The following SMIM18 variants were observed in gnomAD, a reference collection of about 807,000 sequenced individuals.
SMIM18 encodes small integral membrane protein 18.
Under a neutral mutation model 5.9 loss-of-function variants are expected in SMIM18, and 4 were observed. The ratio of observed to expected loss-of-function variants is 0.68; its 90% CI spans 0.33 to 1.56. The LOEUF (loss-of-function observed/expected upper bound fraction) is 1.56. Ranked by LOEUF, SMIM18 falls within the 40% of genes most tolerant of loss-of-function variation. The probability of loss-of-function intolerance (pLI) is 0.06; values close to 1 mark genes in which losing one functional copy is unlikely to be tolerated. For synonymous variants in SMIM18, 37 were observed against 37.4 expected (o/e 0.99, Z 0.04); for missense variants, 89 against 109.7 (o/e 0.81, Z 0.84).
In SMIM18 at chr8:30,645,957, T is replaced by TA. The variant is rs1802059781; in HGVS notation, c.*361dup. 5.8e-6 allele frequency: 1 copy of TA among 172,344 alleles called. No individual in the cohort carries two copies. The highest frequency in any genetic ancestry group is 1.2e-5 in the Non-Finnish European group (1 of 81,136). 10.7% of individuals were successfully genotyped at this position (172,344 alleles called of 1,614,324 possible). ...CTAACCAATTCATGTAGACAAAAAA[T>TA]AGTGTGTTGGTAACAAAAAGGCTAT... On this transcript the variant is annotated 3_prime_UTR_variant, in exon 3 of 3. Coordinates refer to ENST00000517349, the MANE Select transcript of SMIM18 (RefSeq NM_001206847.2).
rs33951211 is a variant in SMIM18, at chr8:30,642,296, C to CA, written c.-110-2182dup. Among the ~76,000 whole-genome samples, 564 of 129,854 alleles carry CA rather than the reference C, an allele frequency of 4.3e-3. 17 individuals carry two copies. Among genetic ancestry groups the CA allele is most frequent in the East Asian group, 0.043 (185 of 4,290 alleles). The allele number at this position is 129,854 out of a possible 152,430, so 85.2% of individuals were successfully genotyped here. On this transcript the variant is annotated intron_variant, in intron 1 of 2. Transcript: ENST00000517349. Reference sequence around the variant, plus strand: ...TCTTTTTGAATTAAAGGAGAAAAGCCAAAAAAAAAAAAAAGGAAAGGAATA... The same window carrying CA: ...TCTTTTTGAATTAAAGGAGAAAAGCCAAAAAAAAAAAAAAAGGAAAGGAATA...
intron 1 of SMIM18, among the ~76,000 whole-genome samples, chr8:30,640,508 A>C (rs1375686384): frequency 6.6e-6 from 1 of 152,222 alleles, no homozygotes; most frequent in Non-Finnish European, 1.5e-5. Flanking sequence ...TATGTGATTT[A>C]CTTTAAAGCT....
chr8:30,644,418 A>C (rs1801984031), intron 1 of SMIM18, 74 bp from the exon 2 acceptor site: 1 of 152,186 alleles, frequency 6.6e-6, no homozygotes, highest in Non-Finnish European at 1.5e-5. Flanking sequence ...AGATCACTCT[A>C]ACCTAAAATT....
chr8:30,639,204 T>C (rs993497861), intron 1 of SMIM18, among the ~76,000 whole-genome samples: 1 of 152,244 alleles, frequency 6.6e-6, no homozygotes, highest in African/African-American at 2.4e-5. Flanking sequence ...ACAATTTTAA[T>C]TTTTATATAA....
At position 30,645,551 on chromosome 8, in the gene SMIM18, G is replaced by T; in HGVS notation, c.242G>T (p.Arg81Ile). ...KDLKSEPNPL[R>I]SMMDNIRKRE... is the part of the protein sequence containing the mutation. ...TTGAAAAGTGAACCCAACCCTCTTA[G>T]AAGTATGATGGACAACATCAGAAAA... The change falls in exon 3 of 3, where the codon AGA (arginine) becomes ATA (isoleucine). Residue 81 changes from arginine to isoleucine, a missense_variant. By Grantham distance (97) the Arg-to-Ile change is moderately conservative. Coordinates refer to ENST00000517349, the MANE Select transcript of SMIM18 (RefSeq NM_001206847.2). 6.5e-7 allele frequency: 1 copy of T among 1,535,638 alleles called. No individual in the cohort carries two copies. Among genetic ancestry groups the T allele is most frequent in the Non-Finnish European group, 8.7e-7 (1 of 1,146,882 alleles).
intron 1 of SMIM18, among the ~76,000 whole-genome samples, chr8:30,639,367 C>T (rs1297387945): frequency 7.1e-4 from 108 of 152,056 alleles, no homozygotes; most frequent in Non-Finnish European, 1.3e-4. Context: ...AAACAAAAAC[C>T]TTCTTAAATA....
chr8:30,639,870 T>C (rs899433088), intron 1 of SMIM18, among the ~76,000 whole-genome samples: 4 of 152,020 alleles, frequency 2.6e-5, no homozygotes, highest in African/African-American at 7.2e-5. Flanking sequence ...AATAAGATAC[T>C]AGATCTGTCC....
chr8:30,639,821 C>CT (rs1801751130), intron 1 of SMIM18, among the ~76,000 whole-genome samples: 1 of 151,484 alleles, frequency 6.6e-6, no homozygotes, highest in Admixed American at 6.6e-5. Flanking sequence ...TTCAGCTAGC[C>CT]TGAGCAAAGT....
chr8:30,642,645 T>TAC (rs35045641), intron 1 of SMIM18, among the ~76,000 whole-genome samples: 60,104 of 151,944 alleles, frequency 0.4, 12,227 homozygotes, highest in South Asian at 0.55. Context: ...TCTCTGCAGA[T>TAC]ACAAGCAAAT....
intron 2 of SMIM18, among the ~76,000 whole-genome samples, 172 bp downstream of exon 2, chr8:30,644,744 A>G (rs1463029868): frequency 8.7e-6 from 1 of 114,858 alleles, no homozygotes; most frequent in Non-Finnish European, 1.8e-5. Flanking sequence ...TAATTTCGGT[A>G]TATGAATTTT....
chr8:30,641,438 C>T lies in SMIM18; in HGVS notation c.-111+2799C>T, dbSNP rs372172544. Among the ~76,000 whole-genome samples the T allele has an allele frequency of 1.8e-4, 27 of 152,310 alleles. No individual in the cohort carries two copies. The South Asian group carries it at 5.6e-3, about 32-fold the overall frequency. Reference sequence around the variant, plus strand: ...AGTGCAATGGAGAAATCACAGCTCACTGCAACCTCAACCTCCTAGGCTCAA... The same window carrying T: ...AGTGCAATGGAGAAATCACAGCTCATTGCAACCTCAACCTCCTAGGCTCAA... On this transcript the variant is annotated intron_variant, in intron 1 of 2. Coordinates refer to ENST00000517349, the MANE Select transcript of SMIM18 (RefSeq NM_001206847.2).
Position 30,645,339 on chromosome 8 carries a change from T to C in SMIM18, c.30T>C (p.Thr10=), listed in dbSNP as rs1802028173. 1.3e-6 allele frequency: 2 copies of C among 1,535,694 alleles called. No homozygotes were observed. The highest frequency in any genetic ancestry group is 2.7e-5 in the African/African-American group (2 of 73,170). Residue 10 remains threonine (T), a synonymous_variant, in exon 3 of 3, where the codon ACT becomes ACC. Transcript: ENST00000517349. MASSHWNET[T]TSVYQYLGFQ... is the part of the protein sequence containing the mutation. ...CTTCCAGCCACTGGAATGAAACCAC[T>C]ACCTCTGTTTATCAGTACCTTGGTT...
At chr8:30,642,997 T>C (rs1320305995) in intron 1 of SMIM18, among the ~76,000 whole-genome samples, 1 of 152,210 alleles carries the variant, frequency 6.6e-6, no homozygotes. Flanking sequence ...TTGCCCACGC[T>C]GGAGTGCAAT....
intron 1 of SMIM18, among the ~76,000 whole-genome samples, chr8:30,640,485 GCT>G: frequency 6.6e-6 from 1 of 151,884 alleles, no homozygotes; most frequent in Non-Finnish European, 1.5e-5. Flanking sequence ...AAACACATAT[GCT>G]AAAAAAAAAT....
chr8:30,642,246 A>G (rs537541672), intron 1 of SMIM18, among the ~76,000 whole-genome samples: 5 of 149,140 alleles, frequency 3.4e-5, no homozygotes, highest in Non-Finnish European at 7.4e-5. Flanking sequence ...GATGTGTTAC[A>G]TTTTGAAAGC....
intron 1 of SMIM18, among the ~76,000 whole-genome samples, chr8:30,639,211 A>G (rs1447300668): frequency 2.0e-5 from 3 of 152,244 alleles, no homozygotes; most frequent in Admixed American, 6.5e-5. Flanking sequence ...TAATTTTTAT[A>G]TAAAAGATCA....
chr8:30,644,904 CCAT>C (rs1250679805), intron 2 of SMIM18, among the ~76,000 whole-genome samples: 1 of 152,096 alleles, frequency 6.6e-6, no homozygotes, highest in Non-Finnish European at 1.5e-5. Flanking sequence ...GCACACACCA[CCAT>C]GCCTGGCTAA....
chr8:30,645,722 A>G lies in SMIM18; in HGVS notation c.*125A>G. The G allele has an allele frequency of 2.0e-6, 2 of 1,000,212 alleles. No individual in the cohort carries two copies. Among genetic ancestry groups the G allele is most frequent in the Non-Finnish European group, 2.8e-6 (2 of 704,082 alleles). The allele number at this position is 1,000,212 out of a possible 1,614,324, so 62.0% of individuals were successfully genotyped here. A position where few individuals can be genotyped will look rare whatever the true frequency, so the allele number is the denominator to read the frequency against. ...ACTGAATGGTTAAAACATTTCTAGTAGAAGGGGAAAAAAAAGTTAAACATG... is the reference window on the plus strand; with the variant it reads ...ACTGAATGGTTAAAACATTTCTAGTGGAAGGGGAAAAAAAAGTTAAACATG... On this transcript the variant is annotated 3_prime_UTR_variant, in exon 3 of 3. Transcript: ENST00000517349.
At chr8:30,644,391 G>A (rs562310084) in intron 1 of SMIM18, 101 bp from the exon 2 acceptor site, 1 of 152,234 alleles carries the variant, frequency 6.6e-6, no homozygotes, top group South Asian at 2.1e-4. Flanking sequence ...ATAACCCCAA[G>A]ATTAGGGTCT....
Sources: allele counts gnomAD v4.1 joint callset (sites outside exome capture counted in the v4.1 genomes callset), GRCh38; gene constraint gnomAD v4.1.1; transcripts MANE v1.5; gene names NCBI Gene and HGNC (gene_info 2026-07-23, HGNC 2026-07-21).